The following PDE7B variants were observed in gnomAD, a reference collection of about 807,000 sequenced individuals.
PDE7B encodes the protein 3',5'-cyclic-AMP phosphodiesterase 7B.
PDE7B carries 29 observed loss-of-function variants against 56.2 expected under a neutral mutation model. The ratio of observed to expected loss-of-function variants is 0.52; its 90% confidence interval spans 0.38 to 0.70. The LOEUF (loss-of-function observed/expected upper bound fraction) is 0.70. PDE7B is among the 30% of genes least tolerant of loss of function. The pLI, the probability that PDE7B is intolerant of heterozygous loss-of-function variation, is 0.00. For missense variants in PDE7B, 490 were observed against 565.0 expected (o/e 0.87, Z 1.35); for synonymous variants, 197 against 196.9 (o/e 1.00, Z 0.00).
chr6:136,189,507 G>A (rs1324475778), intron 12 of PDE7B, among the ~76,000 whole-genome samples: 3 of 152,164 alleles, frequency 2.0e-5, no homozygotes, highest in African/African-American at 7.2e-5. Flanking sequence ...AGGGGTCAAG[G>A]CTGCAGTGAG....
intron 8 of PDE7B, among the ~76,000 whole-genome samples, chr6:136,164,160 T>G (rs1323754288): frequency 6.6e-6 from 1 of 152,186 alleles, no homozygotes; most frequent in Non-Finnish European, 1.5e-5. Context: ...AGTTCTACAG[T>G]GCTGGGGAGG....
intron 2 of PDE7B, among the ~76,000 whole-genome samples, chr6:136,029,646 G>A (rs1429628649): frequency 6.6e-6 from 1 of 152,078 alleles, no homozygotes; most frequent in Non-Finnish European, 1.5e-5. Flanking sequence ...TAAATAGAAA[G>A]ATATGCAATC....
intron 1 of PDE7B, among the ~76,000 whole-genome samples, chr6:135,911,336 C>T (rs1297409148): frequency 1.3e-5 from 2 of 152,112 alleles, no homozygotes; most frequent in Non-Finnish European, 2.9e-5. Context: ...CTTCAGTGAC[C>T]AACTGGATGA....
chr6:136,185,721 C>T (rs1336984352), intron 11 of PDE7B, among the ~76,000 whole-genome samples: 1 of 152,080 alleles, frequency 6.6e-6, no homozygotes, highest in African/African-American at 2.4e-5. Flanking sequence ...GCTATGATGA[C>T]ACCACTGCAC....
chr6:136,181,956 G>A (rs998206423), intron 11 of PDE7B, among the ~76,000 whole-genome samples: 1 of 152,202 alleles, frequency 6.6e-6, no homozygotes, highest in Non-Finnish European at 1.5e-5. Flanking sequence ...TTGATGTTGG[G>A]TGGGGTATCA....
In PDE7B at chr6:135,990,285, G is replaced by A. The variant is rs564474304; in HGVS notation, c.82+42761G>A. Among the ~76,000 whole-genome samples, 73 of 152,058 alleles carry A rather than the reference G, an allele frequency of 4.8e-4. 1 individual carries two copies. The South Asian group carries it at 0.013, about 28-fold the overall frequency. On this transcript the variant is annotated intron_variant, in intron 2 of 12. Coordinates refer to ENST00000308191, the MANE Select transcript of PDE7B (RefSeq NM_018945.4). ...TAATTTTGGTATTTTTAGTAGAGAC[G>A]GGGTTTCACCATGTTGGCCTGGCTG... is the stretch of plus-strand genomic sequence containing the variant.
At chr6:136,176,316 A>G (rs1778976251) in intron 9 of PDE7B, among the ~76,000 whole-genome samples, 1 of 152,166 alleles carries the variant, frequency 6.6e-6, no homozygotes, top group Non-Finnish European at 1.5e-5. Context: ...AAGAATTCAT[A>G]TAATTTTGAG....
At position 136,041,346 on chromosome 6, in the gene PDE7B, G is replaced by C. The variant is rs931987780; in HGVS notation, c.83-67385G>C. ...AAAGGAGAGAATAAAAAAAATATGG[G>C]AACATAAATATGTGTTCGTGAGAGA... On this transcript the variant is annotated intron_variant, in intron 2 of 12. Coordinates refer to ENST00000308191, the MANE Select transcript of PDE7B (RefSeq NM_018945.4). Among the ~76,000 whole-genome samples the C allele has an allele frequency of 2.6e-5, 4 of 152,316 alleles. No homozygotes were observed. In the East Asian group the frequency reaches 5.8e-4, roughly 22 times the overall value.
chr6:136,081,701 G>T (rs993680023), intron 2 of PDE7B, among the ~76,000 whole-genome samples: 1 of 152,114 alleles, frequency 6.6e-6, no homozygotes, highest in African/African-American at 2.4e-5. Context: ...TTGAATTTTG[G>T]CATCAACCTA....
intron 2 of PDE7B, among the ~76,000 whole-genome samples, chr6:136,047,655 T>G (rs747280257): frequency 1.3e-5 from 2 of 152,240 alleles, no homozygotes; most frequent in African/African-American, 4.8e-5. Context: ...ACTGAACTTC[T>G]TATGCTAAAC....
intron 2 of PDE7B, among the ~76,000 whole-genome samples, chr6:136,004,898 C>A (rs1320850333): frequency 6.6e-6 from 1 of 151,978 alleles, no homozygotes; most frequent in Admixed American, 6.6e-5. Flanking sequence ...ATCGCCAAGT[C>A]AATCCTAAGC....
At chr6:135,877,409 T>C (rs1775519072) in intron 1 of PDE7B, among the ~76,000 whole-genome samples, 1 of 151,656 alleles carries the variant, frequency 6.6e-6, no homozygotes, top group South Asian at 2.1e-4. Context: ...CAGATGTCAG[T>C]TTCAGATTTG....
intron 1 of PDE7B, among the ~76,000 whole-genome samples, chr6:135,931,350 C>A (rs1583778930): frequency 6.6e-6 from 1 of 152,080 alleles, no homozygotes; most frequent in Non-Finnish European, 1.5e-5. Flanking sequence ...TATGTATGAT[C>A]TGTTTGTATA....
intron 1 of PDE7B, among the ~76,000 whole-genome samples, chr6:135,909,215 A>G (rs945823815): frequency 2.6e-5 from 4 of 152,236 alleles, no homozygotes; most frequent in African/African-American, 9.6e-5. Flanking sequence ...GGATAGATGA[A>G]GAGGAATGCG....
chr6:136,147,401 T>C lies in PDE7B; in HGVS notation c.217T>C (p.Leu73=). The change falls in exon 4 of 13, where the codon TTA becomes CTA. Residue 73 remains leucine (L), a synonymous_variant. Coordinates refer to ENST00000308191, the MANE Select transcript of PDE7B (RefSeq NM_018945.4). The part of the protein sequence containing the change: ...IGTKKKVKRL[L]SFQRYFHASR... The stretch of plus-strand genomic sequence containing the variant: ...CACCAAGAAAAAGGTGAAAAGACTA[T>C]TAAGCTTTCAAAGATACTTCCATGC... 6.2e-7 allele frequency: 1 copy of C among 1,613,124 alleles called. No homozygotes were observed. Among genetic ancestry groups the C allele is most frequent in the Non-Finnish European group, 8.5e-7 (1 of 1,179,124 alleles).
At chr6:135,876,030 G>A (rs996597590) in intron 1 of PDE7B, among the ~76,000 whole-genome samples, 8 of 152,134 alleles carry the variant, frequency 5.3e-5, no homozygotes, top group South Asian at 2.1e-4. Flanking sequence ...AGAGCAGAAC[G>A]GGAAAGGAAT....
intron 3 of PDE7B, among the ~76,000 whole-genome samples, chr6:136,127,616 G>C (rs999943741): frequency 6.6e-6 from 1 of 152,122 alleles, no homozygotes; most frequent in Non-Finnish European, 1.5e-5. Context: ...ATAAATTTCA[G>C]AAAGTTTGGT....
chr6:136,080,387 A>C, intron 2 of PDE7B, among the ~76,000 whole-genome samples: 1 of 152,198 alleles, frequency 6.6e-6, no homozygotes, highest in Non-Finnish European at 1.5e-5. Flanking sequence ...TCTTCCACTT[A>C]AACTTTAACT....
At chr6:135,956,655 C>T (rs1774799680) in intron 2 of PDE7B, among the ~76,000 whole-genome samples, 1 of 151,962 alleles carries the variant, frequency 6.6e-6, no homozygotes, top group African/African-American at 2.4e-5. Context: ...TGGCAGGTGC[C>T]TATAGTCTCA....
Sources: gnomAD v4.1 joint callset for allele counts (sites outside exome capture counted in the v4.1 genomes callset) on GRCh38, gnomAD v4.1.1 for gene constraint, MANE v1.5 for transcripts, NCBI Gene and HGNC (gene_info 2026-07-23, HGNC 2026-07-21) for gene names.